The following VPS13A variants were observed in gnomAD, a reference collection of about 807,000 sequenced individuals.
The protein encoded by VPS13A is intermembrane lipid transfer protein VPS13A.
VPS13A carries 264 observed loss-of-function variants against 390.9 expected under a neutral mutation model. The ratio of observed to expected loss-of-function variants is 0.68; its 90% CI spans 0.61 to 0.75. The LOEUF is 0.75. Among genes scored for constraint, VPS13A ranks in the 30% least tolerant of loss-of-function variants. VPS13A has a pLI of 0.00. For missense variants in VPS13A, 3,409 were observed against 3,733.9 expected (o/e 0.91, Z 2.27); for synonymous variants, 1,231 against 1,227.1 (o/e 1.00, Z -0.07).
chr9:77,362,015 T>C (rs1040559888), intron 59 of VPS13A, among the ~76,000 whole-genome samples: 1 of 152,184 alleles, frequency 6.6e-6, no homozygotes, highest in Non-Finnish European at 1.5e-5. Flanking sequence ...TTTAATGAGT[T>C]ATTTGTCTTT....
intron 27 of VPS13A, 46 bp from the exon 28 acceptor site, chr9:77,281,821 A>G (rs370696036): frequency 6.8e-5 from 86 of 1,271,510 alleles, no homozygotes; most frequent in Non-Finnish European, 8.6e-5. Context: ...TTGTATATGT[A>G]TGTCTTCCTA....
chr9:77,304,072 G>A lies in VPS13A; in HGVS notation c.3960+1010G>A, dbSNP rs991953431. ...AGGCCATATTTCAGACTATCATATG[G>A]GGAGAAACCTTGGACAATACCCGGC... On this transcript the variant is annotated intron_variant, in intron 34 of 71. Transcript: ENST00000360280. Among the ~76,000 whole-genome samples, 9 of 152,158 alleles carry A rather than the reference G, an allele frequency of 5.9e-5. No homozygotes were observed. In the East Asian group the frequency reaches 1.2e-3, roughly 20 times the overall value.
At chr9:77,249,322 A>T (rs187178808) in intron 20 of VPS13A, among the ~76,000 whole-genome samples, 1 of 152,302 alleles carries the variant, frequency 6.6e-6, no homozygotes, top group East Asian at 1.9e-4. Flanking sequence ...TCATATTTGA[A>T]TTTTATTCAG....
chr9:77,220,454 A>G, intron 12 of VPS13A, 71 bp downstream of exon 12: 1 of 1,072,450 alleles, frequency 9.3e-7, no homozygotes, highest in South Asian at 1.4e-5. Context: ...CTCGACTTCA[A>G]GAATAATCTT....
At chr9:77,412,175 G>A (rs1358810251) in intron 71 of VPS13A, among the ~76,000 whole-genome samples, 3 of 152,130 alleles carry the variant, frequency 2.0e-5, no homozygotes, top group African/African-American at 7.2e-5. Context: ...ATAAGGAGGA[G>A]CTGGTACCAT....
intron 31 of VPS13A, among the ~76,000 whole-genome samples, chr9:77,290,525 C>G (rs745331247): frequency 2.8e-4 from 42 of 151,992 alleles, no homozygotes; most frequent in Non-Finnish European, 2.2e-4. Flanking sequence ...CTGTTTTCTC[C>G]TCCTCCACTT....
chr9:77,220,396 ATTTT>A lies in VPS13A; in HGVS notation c.989+25_989+28del. Reference sequence around the variant, plus strand: ...ATGCCAGAGAATGGTAAATGCCTTGATTTTTTTTTTTTTTTAGATTTTAAAAATA... The same window carrying A: ...ATGCCAGAGAATGGTAAATGCCTTGATTTTTTTTTTTAGATTTTAAAAATA... On this transcript the variant is annotated intron_variant, in intron 12 of 71. Coordinates refer to ENST00000360280, the MANE Select transcript of VPS13A (RefSeq NM_033305.3). The A allele has an allele frequency of 4.6e-6, 6 of 1,293,336 alleles. 1 individual carries two copies. Among genetic ancestry groups the A allele is most frequent in the South Asian group, 4.2e-5 (3 of 72,272 alleles). 80.1% of individuals were successfully genotyped at this position (1,293,336 alleles called of 1,614,324 possible). A position where few individuals can be genotyped will look rare whatever the true frequency, so the allele number is the denominator to read the frequency against.
At chr9:77,314,460 TC>T in intron 36 of VPS13A, 34 bp from the exon 37 acceptor site, 1 of 1,594,604 alleles carries the variant, frequency 6.3e-7, no homozygotes, top group Non-Finnish European at 8.6e-7. Context: ...GACTTGTGTT[TC>T]TTTGTAATTT....
chr9:77,301,293 A>G (rs1283129804), intron 33 of VPS13A, among the ~76,000 whole-genome samples: 1 of 152,198 alleles, frequency 6.6e-6, no homozygotes, highest in Non-Finnish European at 1.5e-5. Context: ...TAGTATAGCC[A>G]TTTATTCTGA....
intron 54 of VPS13A, among the ~76,000 whole-genome samples, chr9:77,355,940 T>A (rs529491391): frequency 1.3e-5 from 2 of 152,316 alleles, no homozygotes; most frequent in African/African-American, 4.8e-5. Flanking sequence ...TAATCTTGAC[T>A]CCACTCTTTT....
At chr9:77,374,222 T>G (rs10123761) in intron 67 of VPS13A, among the ~76,000 whole-genome samples, 73,771 of 151,852 alleles carry the variant, frequency 0.49, 18,512 homozygotes, top group South Asian at 0.6. Context: ...GGACAGTACT[T>G]AGCCCTATAT....
At chr9:77,351,265 T>C (rs1179260571) in intron 52 of VPS13A, 52 bp from the exon 53 acceptor site, 2 of 1,602,056 alleles carry the variant, frequency 1.2e-6, no homozygotes, top group African/African-American at 1.3e-5. Context: ...TTTTTTTTAA[T>C]CTCTTCGTGT....
intron 22 of VPS13A, among the ~76,000 whole-genome samples, chr9:77,256,233 T>C (rs12341030): frequency 6.6e-6 from 1 of 152,112 alleles, no homozygotes; most frequent in African/African-American, 2.4e-5. Flanking sequence ...ATTTCCCTTG[T>C]GATTTCTTTG....
intron 46 of VPS13A, among the ~76,000 whole-genome samples, chr9:77,335,738 C>G (rs537538557): frequency 1.3e-5 from 2 of 152,294 alleles, no homozygotes; most frequent in Admixed American, 1.3e-4. Flanking sequence ...AATAGGAATG[C>G]TTTTACACTT....
Position 77,356,864 on chromosome 9 carries a change from TCCGGTAATATTTTTAAGTA to T in VPS13A, c.7805_7806+17del. The T allele has an allele frequency of 6.2e-7, 1 of 1,613,694 alleles. No individual in the cohort carries two copies. The highest frequency in any genetic ancestry group is 2.2e-5 in the East Asian group (1 of 44,796). ...AGGTTATTCAGTTGGACACTAATGT[TCCGGTAATATTTTTAAGTA>T]CTGATGTGAAGTTTTAATTTTTTGC... On this transcript the variant is annotated splice_donor_variant and splice_donor_5th_base_variant and coding_sequence_variant and intron_variant, in exon 55 of 72. Coordinates refer to ENST00000360280, the MANE Select transcript of VPS13A (RefSeq NM_033305.3). LOFTEE classifies it high-confidence loss of function.
chr9:77,282,049 G>A (rs1827057282), intron 28 of VPS13A, 72 bp from the exon 29 acceptor site: 3 of 1,493,996 alleles, frequency 2.0e-6, no homozygotes, highest in South Asian at 2.3e-5. Context: ...ATGCCACAAA[G>A]CATAGTGCCT....
chr9:77,337,589 T>C (rs1325380247), intron 47 of VPS13A, 52 bp downstream of exon 47: 2 of 1,556,330 alleles, frequency 1.3e-6, no homozygotes, highest in Non-Finnish European at 8.8e-7. Flanking sequence ...GTAGTTTCAG[T>C]TTTTTAAGAT....
chr9:77,351,517 C>G, intron 53 of VPS13A, 71 bp downstream of exon 53: 2 of 1,571,678 alleles, frequency 1.3e-6, no homozygotes, highest in South Asian at 2.2e-5. Flanking sequence ...GGTGCGGTGG[C>G]TCACGCCTGT....
intron 17 of VPS13A, among the ~76,000 whole-genome samples, chr9:77,234,875 A>G (rs1824051797): frequency 6.6e-6 from 1 of 152,142 alleles, no homozygotes; most frequent in Non-Finnish European, 1.5e-5. Context: ...TAACAGTCCA[A>G]ATTTAAGACA....
Sources: allele counts gnomAD v4.1 joint callset (sites outside exome capture counted in the v4.1 genomes callset), GRCh38; gene constraint gnomAD v4.1.1; transcripts MANE v1.5; gene names NCBI Gene and HGNC (gene_info 2026-07-23, HGNC 2026-07-21).